METAP1D: variants seen among roughly 807,000 people sequenced by gnomAD.
The protein encoded by METAP1D is methionine aminopeptidase 1D, mitochondrial.
A neutral mutation model predicts 40.5 loss-of-function variants in METAP1D; 31 were observed. The ratio of observed to expected loss-of-function variants is 0.77; its 90% CI spans 0.58 to 1.03. METAP1D has a LOEUF of 1.03. Among genes scored for constraint, METAP1D ranks in the 50% least tolerant of loss-of-function variants. The pLI is 0.00. For synonymous variants in METAP1D, 151 were observed against 146.4 expected (o/e 1.03, Z -0.22); for missense variants, 411 against 420.7 (o/e 0.98, Z 0.20).
In METAP1D at chr2:172,077,871, G is replaced by A. The variant is rs1318536770; in HGVS notation, c.779G>A (p.Gly260Glu). The A allele has an allele frequency of 1.1e-5, 17 of 1,607,900 alleles. No individual in the cohort carries two copies. The highest frequency in any genetic ancestry group is 1.1e-5 in the South Asian group (1 of 90,554). Residue 260 changes from glycine (G) to glutamate (E), a missense_variant, in exon 7 of 10, where the codon GGA becomes GAA. By Grantham distance (98) the Gly-to-Glu change is moderately conservative. Transcript: ENST00000315796. Reference protein sequence around the residue: ...VGHGIGSYFHGHPEIWHHAND... With the variant: ...VGHGIGSYFHEHPEIWHHAND... Reference sequence around the variant, plus strand: ...CATGGAATAGGATCTTACTTTCATGGACATCCAGAAATTTGGCATCATGGT... The same window carrying A: ...CATGGAATAGGATCTTACTTTCATGAACATCCAGAAATTTGGCATCATGGT...
intron 1 of METAP1D, among the ~76,000 whole-genome samples, chr2:172,055,354 G>A (rs1689980467): frequency 6.6e-6 from 1 of 152,160 alleles, no homozygotes; most frequent in Non-Finnish European, 1.5e-5. Context: ...AATTATATAG[G>A]AAATTCAAGA....
chr2:172,078,200 C>T (rs562525133), intron 7 of METAP1D, among the ~76,000 whole-genome samples: 117 of 152,162 alleles, frequency 7.7e-4, no homozygotes, highest in Non-Finnish European at 1.5e-3. Flanking sequence ...GAAAACAAAA[C>T]GCCACTGCAT....
chr2:172,033,393 A>G (rs1300042788), intron 1 of METAP1D, among the ~76,000 whole-genome samples: 4 of 151,094 alleles, frequency 2.6e-5, no homozygotes, highest in African/African-American at 9.7e-5. Context: ...TCACTCTGTC[A>G]CCCAGGCCAG....
At chr2:172,031,400 T>G (rs1423249446) in intron 1 of METAP1D, among the ~76,000 whole-genome samples, 1 of 152,128 alleles carries the variant, frequency 6.6e-6, no homozygotes, top group African/African-American at 2.4e-5. Flanking sequence ...AAGAGGGCTT[T>G]AGGTTGTAGG....
intron 1 of METAP1D, among the ~76,000 whole-genome samples, chr2:172,037,244 A>ATGTT: frequency 6.8e-6 from 1 of 147,674 alleles, no homozygotes; most frequent in East Asian, 2.0e-4. Context: ...CCTGGGCAAC[A>ATGTT]AGAGGGAAAC....
At chr2:172,079,155 G>C in intron 7 of METAP1D, 60 bp from the exon 8 acceptor site, 1 of 1,374,252 alleles carries the variant, frequency 7.3e-7, no homozygotes, top group Non-Finnish European at 1.0e-6. Context: ...CCTGTAATCT[G>C]TTTTTTTTTT....
At chr2:172,024,441 T>C (rs1398385045) in intron 1 of METAP1D, among the ~76,000 whole-genome samples, 1 of 152,070 alleles carries the variant, frequency 6.6e-6, no homozygotes, top group Non-Finnish European at 1.5e-5. Flanking sequence ...CCAGGGGGTC[T>C]TTACAAACAA....
chr2:172,052,686 C>A (rs1242030144), intron 1 of METAP1D, among the ~76,000 whole-genome samples: 2 of 152,178 alleles, frequency 1.3e-5, no homozygotes, highest in Non-Finnish European at 1.5e-5. Flanking sequence ...AAAACAAGTT[C>A]ACTAATGTTT....
At chr2:172,013,680 C>T (rs1688782766) in intron 1 of METAP1D, among the ~76,000 whole-genome samples, 1 of 152,068 alleles carries the variant, frequency 6.6e-6, no homozygotes, top group Non-Finnish European at 1.5e-5. Flanking sequence ...AAAGAGGCCA[C>T]ATGTGAGAGA....
At chr2:172,049,256 T>G (rs1298423537) in intron 1 of METAP1D, among the ~76,000 whole-genome samples, 2 of 152,104 alleles carry the variant, frequency 1.3e-5, no homozygotes, top group South Asian at 4.1e-4. Flanking sequence ...AAGTGCTGGG[T>G]TTATAGGCGT....
intron 7 of METAP1D, among the ~76,000 whole-genome samples, chr2:172,078,592 T>C (rs60123064): frequency 0.094 from 14,265 of 152,182 alleles, 870 homozygotes; most frequent in East Asian, 0.16. Context: ...GATTGGTCCA[T>C]AGAAGGACTA....
chr2:172,047,594 T>C (rs1337822087), intron 1 of METAP1D, among the ~76,000 whole-genome samples: 1 of 152,082 alleles, frequency 6.6e-6, no homozygotes, highest in African/African-American at 2.4e-5. Context: ...CCACCACGCC[T>C]GGCTAATTTT....
intron 1 of METAP1D, among the ~76,000 whole-genome samples, chr2:172,024,436 G>A (rs1378149212): frequency 6.6e-6 from 1 of 151,956 alleles, no homozygotes; most frequent in Non-Finnish European, 1.5e-5. Context: ...GAGGCCCAGG[G>A]GGTCTTTACA....
chr2:172,027,035 G>C (rs1689133363), intron 1 of METAP1D, among the ~76,000 whole-genome samples: 1 of 152,158 alleles, frequency 6.6e-6, no homozygotes. Context: ...AGAGGGCCTG[G>C]AAGAATGAGG....
chr2:172,079,898 G>A (rs1036263096), intron 8 of METAP1D, among the ~76,000 whole-genome samples: 2 of 152,072 alleles, frequency 1.3e-5, no homozygotes, highest in African/African-American at 4.8e-5. Flanking sequence ...TACGAACTAG[G>A]CAACTTCATA....
intron 1 of METAP1D, among the ~76,000 whole-genome samples, chr2:172,030,006 T>C (rs1689201971): frequency 1.3e-5 from 2 of 152,174 alleles, no homozygotes; most frequent in Non-Finnish European, 2.9e-5. Flanking sequence ...TCCACCCGCC[T>C]GGGCCTCCCA....
intron 1 of METAP1D, among the ~76,000 whole-genome samples, chr2:172,030,737 C>A (rs1397449509): frequency 1.3e-5 from 2 of 152,186 alleles, no homozygotes; most frequent in African/African-American, 2.4e-5. Context: ...GAAAGTCTTT[C>A]ATTTAACTTT....
intron 7 of METAP1D, among the ~76,000 whole-genome samples, chr2:172,078,720 C>T (rs1690617004): frequency 6.6e-6 from 1 of 152,206 alleles, no homozygotes. Flanking sequence ...GCAGAAACGG[C>T]TTGTCAGCCT....
chr2:172,035,279 C>A (rs556382319), intron 1 of METAP1D, among the ~76,000 whole-genome samples: 54 of 152,220 alleles, frequency 3.5e-4, no homozygotes, highest in African/African-American at 1.1e-3. Flanking sequence ...ATTCTCCTGC[C>A]TCAGCCTCCC....
Sources: allele counts gnomAD v4.1 joint callset (sites outside exome capture counted in the v4.1 genomes callset), GRCh38; gene constraint gnomAD v4.1.1; transcripts MANE v1.5; gene names NCBI Gene and HGNC (gene_info 2026-07-23, HGNC 2026-07-21).